The following KIF1B variants were observed in gnomAD, a reference collection of about 807,000 sequenced individuals.
KIF1B encodes kinesin-like protein KIF1B.
Under a neutral mutation model 241.9 loss-of-function variants are expected in KIF1B, and 76 were observed. The ratio of observed to expected loss-of-function variants is 0.31; its 90% CI spans 0.26 to 0.38. KIF1B has a LOEUF of 0.38. KIF1B is among the 10% of genes least tolerant of loss of function. The pLI, the probability that KIF1B is intolerant of heterozygous loss-of-function variation, is 1.00. For missense variants in KIF1B, 1,622 were observed against 2,271.4 expected (o/e 0.71, Z 5.81); for synonymous variants, 750 against 796.7 (o/e 0.94, Z 0.99).
Position 10,377,948 on chromosome 1 carries a change from A to AT in KIF1B, c.*1361_*1362insT, listed in dbSNP as rs200252197. 6 of 223,110 alleles carry AT rather than the reference A, an allele frequency of 2.7e-5. No individual in the cohort carries two copies. Among genetic ancestry groups the AT allele is most frequent in the Non-Finnish European group, 3.6e-5 (4 of 111,050 alleles). The allele number at this position is 223,110 out of a possible 1,614,324, so 13.8% of individuals were successfully genotyped here. On this transcript the variant is annotated 3_prime_UTR_variant, in exon 49 of 49. Transcript: ENST00000676179. ...AAGACTCTGCCTCAGAAAAAAAAAAAAATAATAATGCTGGGTAGTGACCTT... is the reference window on the plus strand; with the variant it reads ...AAGACTCTGCCTCAGAAAAAAAAAAATAATAATAATGCTGGGTAGTGACCTT...
chr1:10,288,773 T>A (rs555307415), intron 15 of KIF1B, among the ~76,000 whole-genome samples: 13 of 152,346 alleles, frequency 8.5e-5, no homozygotes, highest in Non-Finnish European at 1.6e-4. Flanking sequence ...ATATACTACT[T>A]TGCTTTTGCA....
At chr1:10,269,561 T>C (rs1197345165) in intron 7 of KIF1B, among the ~76,000 whole-genome samples, 1 of 149,964 alleles carries the variant, frequency 6.7e-6, no homozygotes, top group Admixed American at 6.6e-5. Flanking sequence ...GGCTCACACC[T>C]GTAATCCAAG....
At chr1:10,242,215 T>C (rs76374577) in intron 2 of KIF1B, among the ~76,000 whole-genome samples, 2,842 of 152,210 alleles carry the variant, frequency 0.019, 40 homozygotes, top group Non-Finnish European at 0.028. Context: ...ATCAAAGCAA[T>C]GTGATGACTA....
In KIF1B at chr1:10,365,439, C is replaced by T. The variant is rs774445070; in HGVS notation, c.4543C>T (p.Arg1515Cys). Residue 1515 changes from arginine to cysteine, a missense_variant, in exon 43 of 49, where the codon CGT becomes TGT. By Grantham distance (180) the Arg-to-Cys change is radical. Transcript: ENST00000676179. This position sits in a 1 kb window ranked among gnomAD's most constrained non-coding sequence, Gnocchi z 4.0. Reference protein sequence around the residue: ...VEKTRHFLLLRERLGDSIPKS... With the variant: ...VEKTRHFLLLCERLGDSIPKS... Reference sequence around the variant, plus strand: ...AAAAACCCGCCACTTTTTGCTGCTGCGTGAGAGACTTGGTGACAGCATCCC... The same window carrying T: ...AAAAACCCGCCACTTTTTGCTGCTGTGTGAGAGACTTGGTGACAGCATCCC... 9.9e-6 allele frequency: 16 copies of T among 1,614,156 alleles called. No homozygotes were observed. The highest frequency in any genetic ancestry group is 5.5e-5 in the South Asian group (5 of 91,092).
chr1:10,353,492 A>G (rs914595757), intron 38 of KIF1B, among the ~76,000 whole-genome samples: 5 of 152,124 alleles, frequency 3.3e-5, no homozygotes, highest in Admixed American at 6.5e-5. Flanking sequence ...CTCCGTCTCT[A>G]TATCCTAGGG....
intron 5 of KIF1B, among the ~76,000 whole-genome samples, chr1:10,264,948 A>G (rs2102200415): frequency 1.3e-5 from 2 of 152,184 alleles, no homozygotes; most frequent in East Asian, 3.9e-4. Context: ...GGCGTGAGCC[A>G]CTGCGCCCGG....
chr1:10,267,462 A>G lies in KIF1B; in HGVS notation c.512A>G (p.His171Arg). The G allele has an allele frequency of 1.2e-6, 2 of 1,614,194 alleles. No homozygotes were observed. The highest frequency in any genetic ancestry group is 1.7e-6 in the Non-Finnish European group (2 of 1,180,016). ...KNKGNLRVRE[H>R]PLLGPYVEDL... ...AAGGGTAATTTGCGTGTGCGTGAAC[A>G]CCCACTTCTTGGACCCTATGTGGAG... The change falls in exon 6 of 49, where the codon CAC (histidine) becomes CGC (arginine). Residue 171 changes from histidine to arginine, a missense_variant. His to Arg is a conservative substitution (Grantham distance 29). Coordinates refer to ENST00000676179, the MANE Select transcript of KIF1B (RefSeq NM_001365951.3).
chr1:10,306,626 C>G (rs1419582533), intron 22 of KIF1B: 1 of 538,488 alleles, frequency 1.9e-6, no homozygotes, highest in Non-Finnish European at 2.5e-6. Context: ...CACAAACTTG[C>G]ATCAGGACGG....
chr1:10,297,142 TC>T (rs753557567), intron 21 of KIF1B, 31 bp from the exon 22 acceptor site: 15 of 1,603,558 alleles, frequency 9.4e-6, no homozygotes, highest in Non-Finnish European at 1.2e-5. Context: ...CTAATAGCAT[TC>T]TTGAATTTTT....
intron 24 of KIF1B, 139 bp from the exon 25 acceptor site, chr1:10,323,745 T>C (rs1406842736): frequency 1.4e-6 from 1 of 695,386 alleles, no homozygotes; most frequent in East Asian, 2.7e-5. Flanking sequence ...CAGGTGGCCA[T>C]ATTTTTCAGT....
At chr1:10,218,632 G>T (rs1646799992) in intron 1 of KIF1B, among the ~76,000 whole-genome samples, 1 of 152,102 alleles carries the variant, frequency 6.6e-6, no homozygotes, top group South Asian at 2.1e-4. Context: ...TGTTGGCCAG[G>T]CTGGTCTTGA....
intron 22 of KIF1B, chr1:10,308,542 T>C: frequency 9.8e-7 from 1 of 1,023,346 alleles, no homozygotes; most frequent in Non-Finnish European, 1.2e-6. Flanking sequence ...GGAGTGTTAG[T>C]TTGTAATGTT....
chr1:10,251,331 CTT>C (rs35158325), intron 2 of KIF1B, among the ~76,000 whole-genome samples: 28,296 of 144,220 alleles, frequency 0.2, 3,193 homozygotes, highest in Non-Finnish European at 0.28. Flanking sequence ...TTTTTCCTTT[CTT>C]TTTTTTTTTT....
intron 38 of KIF1B, among the ~76,000 whole-genome samples, chr1:10,354,246 A>G (rs1464572328): frequency 1.3e-5 from 2 of 152,224 alleles, no homozygotes; most frequent in East Asian, 3.8e-4. Context: ...TTCTCATTTA[A>G]ACTATATAAA....
intron 22 of KIF1B, among the ~76,000 whole-genome samples, chr1:10,299,514 CAATTAA>C (rs1650435979): frequency 1.3e-5 from 2 of 152,094 alleles, no homozygotes; most frequent in Admixed American, 1.3e-4. Context: ...CTGTATTGGT[CAATTAA>C]CAGATGTATT....
At chr1:10,341,585 C>G (rs1290110466) in intron 32 of KIF1B, among the ~76,000 whole-genome samples, 1 of 152,214 alleles carries the variant, frequency 6.6e-6, no homozygotes, top group Non-Finnish European at 1.5e-5. Flanking sequence ...GGAAAAGTTA[C>G]TTTAGAATTA....
chr1:10,244,671 GGC>G (rs1647183410), intron 2 of KIF1B, among the ~76,000 whole-genome samples: 1 of 147,124 alleles, frequency 6.8e-6, no homozygotes, highest in Non-Finnish European at 1.5e-5. Context: ...GGAGTGCAGT[GGC>G]GTGATCTCTG....
chr1:10,282,279 C>T (rs538438074), intron 14 of KIF1B, 43 bp from the exon 15 acceptor site: 4 of 1,492,848 alleles, frequency 2.7e-6, no homozygotes, highest in Non-Finnish European at 3.7e-6. Context: ...GCTTCTTTCC[C>T]TTTTCCCTAC....
At chr1:10,232,850 G>C (rs1647000306) in intron 2 of KIF1B, among the ~76,000 whole-genome samples, 2 of 152,064 alleles carry the variant, frequency 1.3e-5, no homozygotes, top group Non-Finnish European at 2.9e-5. Context: ...GTGATTCTTT[G>C]AGTTGAACAA....
Sources: gnomAD v4.1 joint callset for allele counts (sites outside exome capture counted in the v4.1 genomes callset) on GRCh38, gnomAD v4.1.1 for gene constraint, Gnocchi (gnomAD v3.1) non-coding constraint, MANE v1.5 for transcripts, NCBI Gene and HGNC (gene_info 2026-07-23, HGNC 2026-07-21) for gene names.